The following HEPACAM2 variants were observed in gnomAD, a reference collection of about 807,000 sequenced individuals.
HEPACAM2 encodes mitotic kinetics regulator.
Under a neutral mutation model 49.6 loss-of-function variants are expected in HEPACAM2, and 49 were observed. That is an observed-to-expected ratio of 0.99 (90% CI 0.78 to 1.25). The LOEUF (loss-of-function observed/expected upper bound fraction) is 1.25. HEPACAM2 is among the 50% of genes most tolerant of loss of function. The pLI is 0.00. For missense variants in HEPACAM2, 525 were observed against 557.2 expected, an observed-to-expected ratio of 0.94 and a Z score of 0.58; for synonymous variants, 197 against 202.9, an observed-to-expected ratio of 0.97 and a Z score of 0.25.
chr7:93,228,682 T>C (rs1014266116), upstream of HEPACAM2, among the ~76,000 whole-genome samples: 1 of 152,224 alleles, frequency 6.6e-6, no homozygotes, highest in Non-Finnish European at 1.5e-5. Context: ...GCCTGTAGTG[T>C]TACTGTTTAC....
chr7:93,229,220 G>T (rs1794587862), upstream of HEPACAM2, among the ~76,000 whole-genome samples: 1 of 152,160 alleles, frequency 6.6e-6, no homozygotes, highest in Non-Finnish European at 1.5e-5. Context: ...TGCCAGAGGA[G>T]GCTATCACAT....
In HEPACAM2 at chr7:93,188,646, G is replaced by C. The variant is rs187498467; in HGVS notation, c.*621C>G. The C allele has an allele frequency of 5.9e-6, 1 of 168,148 alleles. No individual in the cohort carries two copies. The highest frequency in any genetic ancestry group is 1.6e-4 in the East Asian group (1 of 6,252). 10.4% of individuals were successfully genotyped at this position (168,148 alleles called of 1,614,324 possible). A position where few individuals can be genotyped will look rare whatever the true frequency, so the allele number is the denominator to read the frequency against. On this transcript the variant is annotated 3_prime_UTR_variant, in exon 10 of 10. Transcript: ENST00000394468. Reference sequence around the variant, plus strand: ...CTTTCCTTGAAAAAAATAAAAATAAGACTTTAATAGTCATTTCCTTAAGTG... The same window carrying C: ...CTTTCCTTGAAAAAAATAAAAATAACACTTTAATAGTCATTTCCTTAAGTG...
chr7:93,195,964 C>T, intron 7 of HEPACAM2, 63 bp from the exon 8 acceptor site: 2 of 1,199,340 alleles, frequency 1.7e-6, no homozygotes, highest in Non-Finnish European at 2.5e-6. Flanking sequence ...GTTTTTTAAA[C>T]CTTTGTAAAA....
intron 2 of HEPACAM2, 73 bp downstream of exon 2, chr7:93,219,028 G>A: frequency 7.7e-7 from 1 of 1,300,010 alleles, no homozygotes; most frequent in Non-Finnish European, 1.1e-6. Context: ...TAAAGCCGAA[G>A]TAGTTTAGTC....
intron 3 of HEPACAM2, among the ~76,000 whole-genome samples, chr7:93,209,122 A>G (rs1794111911): frequency 6.6e-6 from 1 of 152,098 alleles, no homozygotes; most frequent in African/African-American, 2.4e-5. Context: ...CTGAAATAGT[A>G]AAAGCCTGAA....
At chr7:93,195,269 C>T (rs934136130) in intron 8 of HEPACAM2, among the ~76,000 whole-genome samples, 6 of 152,042 alleles carry the variant, frequency 3.9e-5, no homozygotes, top group African/African-American at 9.7e-5. Flanking sequence ...ACTCTGCTGC[C>T]CAGGCTGGAG....
At chr7:93,227,439 C>A (rs1794560454), upstream of HEPACAM2, among the ~76,000 whole-genome samples, 1 of 152,088 alleles carries the variant, frequency 6.6e-6, no homozygotes, top group Admixed American at 6.5e-5. Flanking sequence ...TAAAGGCCCA[C>A]TGAAGAAGTT....
intron 1 of HEPACAM2, among the ~76,000 whole-genome samples, chr7:93,220,396 A>C (rs1794424602): frequency 6.6e-6 from 1 of 152,168 alleles, no homozygotes; most frequent in African/African-American, 2.4e-5. Flanking sequence ...GATTGTGACA[A>C]AAGGATTTGG....
intron 8 of HEPACAM2, among the ~76,000 whole-genome samples, chr7:93,192,713 A>G (rs924191348): frequency 6.6e-6 from 1 of 152,110 alleles, no homozygotes; most frequent in African/African-American, 2.4e-5. Context: ...ATATATCATT[A>G]TCTTTTCTAT....
intron 1 of HEPACAM2, chr7:93,225,858 T>C: frequency 8.8e-7 from 1 of 1,134,946 alleles, no homozygotes; most frequent in East Asian, 2.7e-5. Context: ...GTGTAGGAAA[T>C]TTTTTTGTTA....
intron 2 of HEPACAM2, 105 bp downstream of exon 2, chr7:93,218,996 G>C: frequency 1.1e-6 from 1 of 874,234 alleles, no homozygotes. Context: ...ATTGATTTGT[G>C]CAAAGTTGTG....
intron 8 of HEPACAM2, among the ~76,000 whole-genome samples, chr7:93,192,944 G>C (rs924012208): frequency 2.0e-5 from 3 of 152,062 alleles, no homozygotes; most frequent in Non-Finnish European, 4.4e-5. Flanking sequence ...TGTATTTATG[G>C]CTGGTAAAAA....
At chr7:93,194,919 A>ATTTTTTTTTTTTT (rs1562820485) in intron 8 of HEPACAM2, among the ~76,000 whole-genome samples, 2 of 102,402 alleles carry the variant, frequency 2.0e-5, no homozygotes, top group African/African-American at 1.1e-4. Flanking sequence ...ACTTTAAAAG[A>ATTTTTTTTTTTTT]TCTTTTTTTT....
At chr7:93,193,263 T>C (rs762996279) in intron 8 of HEPACAM2, among the ~76,000 whole-genome samples, 8 of 152,140 alleles carry the variant, frequency 5.3e-5, no homozygotes, top group Non-Finnish European at 5.9e-5. Flanking sequence ...AAACCACTAA[T>C]TTCCATTCCA....
Position 93,189,146 on chromosome 7 carries a change from T to A in HEPACAM2, c.*121A>T. The stretch of plus-strand genomic sequence containing the variant: ...CTCTATTCTGCATGTAAAGGAATAA[T>A]GAGTAAGAGGTGTTGGTCTTGGTTT... On this transcript the variant is annotated 3_prime_UTR_variant, in exon 10 of 10. Transcript: ENST00000394468. 1 of 788,714 alleles carries A rather than the reference T, an allele frequency of 1.3e-6. No individual in the cohort carries two copies. Among genetic ancestry groups the A allele is most frequent in the Non-Finnish European group, 2.1e-6 (1 of 474,294 alleles). 48.9% of individuals were successfully genotyped at this position (788,714 alleles called of 1,614,324 possible).
intron 4 of HEPACAM2, among the ~76,000 whole-genome samples, chr7:93,198,844 G>A (rs1793803536): frequency 6.6e-6 from 1 of 152,014 alleles, no homozygotes; most frequent in African/African-American, 2.4e-5. Context: ...ATCTCCAACA[G>A]CCAAAATAAG....
rs1335730664 is a variant in HEPACAM2 at position 93,197,626 on chromosome 7, A to AAT, written c.1013-17_1013-16insAT. ...TTCTCCAGTCCTAAATAAAAAGATAAACATATTTTTAGCAATAAATTGCTA... is the reference window on the plus strand; with the variant it reads ...TTCTCCAGTCCTAAATAAAAAGATAAATACATATTTTTAGCAATAAATTGCTA... On this transcript the variant is annotated splice_polypyrimidine_tract_variant and intron_variant, in intron 4 of 9. Coordinates refer to ENST00000394468, the MANE Select transcript of HEPACAM2 (RefSeq NM_001039372.4). 1 of 1,549,244 alleles carries AAT rather than the reference A, an allele frequency of 6.5e-7. No individual in the cohort carries two copies. The highest frequency in any genetic ancestry group is 2.3e-5 in the East Asian group (1 of 44,230).
At chr7:93,216,627 G>A (rs980802148) in intron 2 of HEPACAM2, among the ~76,000 whole-genome samples, 1 of 152,214 alleles carries the variant, frequency 6.6e-6, no homozygotes, top group Non-Finnish European at 1.5e-5. Flanking sequence ...TGACTTAATC[G>A]ATAAAAACAG....
intron 8 of HEPACAM2, among the ~76,000 whole-genome samples, chr7:93,194,489 C>A (rs1215149934): frequency 6.6e-6 from 1 of 152,052 alleles, no homozygotes; most frequent in African/African-American, 2.4e-5. Context: ...TGAGCCAATC[C>A]TGCCTGAGAT....
Sources: allele counts gnomAD v4.1 joint callset (sites outside exome capture counted in the v4.1 genomes callset), GRCh38; gene constraint gnomAD v4.1.1; transcripts MANE v1.5; gene names NCBI Gene and HGNC (gene_info 2026-07-23, HGNC 2026-07-21).